AP2A1: variants seen among roughly 807,000 people sequenced by gnomAD.
The protein encoded by AP2A1 is adaptor related protein complex 2 subunit alpha 1, also known as AP-2 complex subunit alpha-1.
A neutral mutation model predicts 107.3 loss-of-function variants in AP2A1; 21 were observed. That is an observed-to-expected ratio of 0.20 (90% confidence interval 0.14 to 0.28). The LOEUF (loss-of-function observed/expected upper bound fraction) is 0.28, where lower values mean the gene tolerates loss of function less well. Among genes scored for constraint, AP2A1 ranks in the 10% least tolerant of loss-of-function variants. The probability of loss-of-function intolerance (pLI) is 1.00; values close to 1 mark genes in which losing one functional copy is unlikely to be tolerated. For synonymous variants in AP2A1, 602 were observed against 564.8 expected, an observed-to-expected ratio of 1.07 and a Z score of -0.93; for missense variants, 873 against 1,307.7, an observed-to-expected ratio of 0.67 and a Z score of 5.13.
rs1254838693 is a variant in AP2A1, at chr19:49,782,421, A to G, written c.280-110A>G. 6.5e-6 allele frequency: 8 copies of G among 1,226,860 alleles called. No homozygotes were observed. The South Asian group carries it at 1.1e-4, about 16-fold the overall frequency. 76.0% of individuals were successfully genotyped at this position (1,226,860 alleles called of 1,614,324 possible). On this transcript the variant is annotated intron_variant, in intron 3 of 22. Coordinates refer to ENST00000354293, the MANE Select transcript of AP2A1 (RefSeq NM_130787.3). ...AGGGAGGAGGGGCCTGGGGGCCTGGACTCCTGGGTCTGAGGTTGAATCTGG... is the reference window on the plus strand; with the variant it reads ...AGGGAGGAGGGGCCTGGGGGCCTGGGCTCCTGGGTCTGAGGTTGAATCTGG...
At chr19:49,805,048 A>C (rs1224170707) in intron 18 of AP2A1, 1 of 168,262 alleles carries the variant, frequency 5.9e-6, no homozygotes, top group African/African-American at 2.4e-5. Flanking sequence ...CTGGGACTAC[A>C]GGTGCACATC....
At chr19:49,772,444 C>A (rs571345745) in intron 1 of AP2A1, among the ~76,000 whole-genome samples, 23 of 151,136 alleles carry the variant, frequency 1.5e-4, no homozygotes, top group Admixed American at 4.0e-4. Context: ...TCCCGAAGTG[C>A]TGGGATTACA....
intron 5 of AP2A1, among the ~76,000 whole-genome samples, 170 bp from the exon 6 acceptor site, chr19:49,792,821 C>T (rs1166884452): frequency 6.6e-6 from 1 of 152,118 alleles, no homozygotes; most frequent in Non-Finnish European, 1.5e-5. Context: ...GCCCGAGGCC[C>T]CGTGGCCTCC....
At position 49,802,173 on chromosome 19, in the gene AP2A1, C is replaced by T. The variant is rs528259357; in HGVS notation, c.2114+32C>T. On this transcript the variant is annotated intron_variant, in intron 15 of 22. Coordinates refer to ENST00000354293, the MANE Select transcript of AP2A1 (RefSeq NM_130787.3). ...CCCCCTGGGCCCGGGCCCCTTCTCG[C>T]GGCCACCCCCAGGGCTGTCCCTTCT... 9.4e-5 allele frequency: 143 copies of T among 1,516,138 alleles called. 1 individual carries two copies. Among genetic ancestry groups the T allele is most frequent in the South Asian group, 5.4e-4 (45 of 83,888 alleles). The allele number at this position is 1,516,138 out of a possible 1,614,324, so 93.9% of individuals were successfully genotyped here.
At chr19:49,793,886 C>T (rs2073176940) in intron 6 of AP2A1, among the ~76,000 whole-genome samples, 1 of 149,910 alleles carries the variant, frequency 6.7e-6, no homozygotes, top group Admixed American at 6.7e-5. Flanking sequence ...CTCGTGCATC[C>T]ACTCATTGTT....
At chr19:49,782,865 G>A (rs2084694493) in intron 4 of AP2A1, 141 bp downstream of exon 4, 1 of 1,013,002 alleles carries the variant, frequency 9.9e-7, no homozygotes, top group African/African-American at 1.6e-5. Context: ...GGACCCAGTG[G>A]TTCCGGTGGC....
intron 4 of AP2A1, among the ~76,000 whole-genome samples, chr19:49,783,962 C>A (rs539543969): frequency 2.0e-4 from 30 of 152,324 alleles, no homozygotes; most frequent in African/African-American, 7.0e-4. Flanking sequence ...GTGATGGAAA[C>A]TGGAGGTTCC....
In AP2A1 at chr19:49,767,030, G is replaced by C. The variant is rs969018994; in HGVS notation, c.-104G>C. 2 of 1,244,662 alleles carry C rather than the reference G, an allele frequency of 1.6e-6. No homozygotes were observed. The highest frequency in any genetic ancestry group is 2.9e-4 in the Middle Eastern group (1 of 3,464). 77.1% of individuals were successfully genotyped at this position (1,244,662 alleles called of 1,614,324 possible). A position where few individuals can be genotyped will look rare whatever the true frequency, so the allele number is the denominator to read the frequency against. ...GCCAGCCCTCCCCGCGGCCGGCTCGGCTCCTTGGCGCTGCCTGGGGTCCTT... is the reference window on the plus strand; with the variant it reads ...GCCAGCCCTCCCCGCGGCCGGCTCGCCTCCTTGGCGCTGCCTGGGGTCCTT... On this transcript the variant is annotated 5_prime_UTR_variant, in exon 1 of 23. Transcript: ENST00000354293.
chr19:49,801,134 CT>C, intron 12 of AP2A1, 76 bp downstream of exon 12: 1 of 1,401,368 alleles, frequency 7.1e-7, no homozygotes. Flanking sequence ...CCCCAGGGGT[CT>C]CAGGGCAGGC....
intron 11 of AP2A1, chr19:49,800,727 T>C: frequency 2.3e-6 from 1 of 442,438 alleles, no homozygotes; most frequent in South Asian, 3.0e-5. Flanking sequence ...CGCCTCGGCC[T>C]CCCAAAGTAC....
chr19:49,792,406 A>G (rs941413262), intron 5 of AP2A1, among the ~76,000 whole-genome samples: 1 of 146,488 alleles, frequency 6.8e-6, no homozygotes, highest in Non-Finnish European at 1.5e-5. Flanking sequence ...TGGGGCTCCC[A>G]CCTCAGCCCT....
At chr19:49,789,403 G>A (rs1474103015) in intron 4 of AP2A1, among the ~76,000 whole-genome samples, 1 of 152,008 alleles carries the variant, frequency 6.6e-6, no homozygotes, top group Non-Finnish European at 1.5e-5. Flanking sequence ...CGATTCTCCT[G>A]CCCCAGCCTC....
At chr19:49,794,835 G>A (rs953880948) in intron 6 of AP2A1, among the ~76,000 whole-genome samples, 1 of 152,072 alleles carries the variant, frequency 6.6e-6, no homozygotes, top group Non-Finnish European at 1.5e-5. Context: ...GCTAATTTTT[G>A]TATTTTTAGT....
At chr19:49,783,189 T>C (rs1259922952) in intron 4 of AP2A1, among the ~76,000 whole-genome samples, 2 of 152,184 alleles carry the variant, frequency 1.3e-5, no homozygotes, top group Non-Finnish European at 2.9e-5. Flanking sequence ...GATGGAAGAA[T>C]TGCAGGATGA....
At chr19:49,783,664 C>T (rs1052270835) in intron 4 of AP2A1, among the ~76,000 whole-genome samples, 7 of 152,184 alleles carry the variant, frequency 4.6e-5, no homozygotes, top group Non-Finnish European at 7.3e-5. Context: ...GCAGATGAGC[C>T]GCGTGCTGGA....
intron 15 of AP2A1, chr19:49,802,456 G>C: frequency 1.4e-6 from 2 of 1,383,684 alleles, no homozygotes; most frequent in Non-Finnish European, 2.0e-6. Context: ...TCTCTCTTCT[G>C]CCCTCTCGCT....
At chr19:49,802,623 G>A (rs2073303360) in intron 15 of AP2A1, 9 of 1,534,550 alleles carry the variant, frequency 5.9e-6, no homozygotes, top group Non-Finnish European at 7.9e-6. Flanking sequence ...TGGGGTGGGA[G>A]GTCGGTCGGG....
intron 15 of AP2A1, 114 bp downstream of exon 15, chr19:49,802,255 TC>T: frequency 1.1e-6 from 1 of 888,338 alleles, no homozygotes; most frequent in Non-Finnish European, 1.8e-6. Context: ...CGCTCCTCTC[TC>T]CATCCTGATG....
chr19:49,781,730 C>A, intron 1 of AP2A1, 27 bp from the exon 2 acceptor site: 1 of 1,568,986 alleles, frequency 6.4e-7, no homozygotes, highest in Non-Finnish European at 8.6e-7. Context: ...AGACCCCTCA[C>A]TGCCTACCCT....
Sources: allele counts gnomAD v4.1 joint callset (sites outside exome capture counted in the v4.1 genomes callset), GRCh38; gene constraint gnomAD v4.1.1; transcripts MANE v1.5; gene names NCBI Gene and HGNC (gene_info 2026-07-23, HGNC 2026-07-21).